SLC9A9: variants seen among roughly 807,000 people sequenced by gnomAD.
SLC9A9 encodes the protein solute carrier family 9 member A9, also known as sodium/hydrogen exchanger 9.
Under a neutral mutation model 77.8 loss-of-function variants are expected in SLC9A9, and 62 were observed. The ratio of observed to expected loss-of-function variants is 0.80; its 90% CI spans 0.65 to 0.98. The LOEUF (loss-of-function observed/expected upper bound fraction) is 0.98, where lower values mean the gene tolerates loss of function less well. SLC9A9 is among the 50% of genes least tolerant of loss of function. The probability of loss-of-function intolerance (pLI) is 0.00; values close to 1 mark genes in which losing one functional copy is unlikely to be tolerated. For synonymous variants in SLC9A9, 320 were observed against 283.5 expected (o/e 1.13, Z -1.29); for missense variants, 775 against 774.9 (o/e 1.00, Z 0.00).
chr3:143,812,270 T>C (rs1459723168), intron 2 of SLC9A9, among the ~76,000 whole-genome samples: 2 of 152,262 alleles, frequency 1.3e-5, no homozygotes, highest in African/African-American at 2.4e-5. Flanking sequence ...CCTGCAGATA[T>C]GCTTGCACAT....
chr3:143,689,818 T>G (rs1396025577), intron 5 of SLC9A9, among the ~76,000 whole-genome samples: 4 of 152,152 alleles, frequency 2.6e-5, no homozygotes, highest in Non-Finnish European at 5.9e-5. Flanking sequence ...AATGTGTGCA[T>G]GTTTGTGTAT....
At chr3:143,424,541 T>G (rs2034369388) in intron 12 of SLC9A9, among the ~76,000 whole-genome samples, 2 of 151,896 alleles carry the variant, frequency 1.3e-5, no homozygotes, top group African/African-American at 4.8e-5. Flanking sequence ...CCTCCCCAAG[T>G]GCTGGGTCTC....
intron 2 of SLC9A9, among the ~76,000 whole-genome samples, chr3:143,810,481 G>T (rs1433808017): frequency 1.3e-5 from 2 of 152,174 alleles, no homozygotes; most frequent in African/African-American, 4.8e-5. Context: ...ATTCTCAAGT[G>T]GTAGCTGGCA....
chr3:143,316,466 T>C (rs1186070585), intron 14 of SLC9A9, among the ~76,000 whole-genome samples: 1 of 152,198 alleles, frequency 6.6e-6, no homozygotes. Flanking sequence ...ACAAATTTGG[T>C]GGCAAGAGGA....
intron 4 of SLC9A9, among the ~76,000 whole-genome samples, chr3:143,757,894 A>G (rs187869135): frequency 1.3e-5 from 2 of 152,306 alleles, no homozygotes; most frequent in Non-Finnish European, 1.5e-5. Flanking sequence ...AGAAGGAAAG[A>G]TCAAAGGCAA....
chr3:143,824,604 C>A (rs1189843554), intron 2 of SLC9A9, among the ~76,000 whole-genome samples: 4 of 152,194 alleles, frequency 2.6e-5, no homozygotes, highest in African/African-American at 9.7e-5. Context: ...GGAAGTTAAA[C>A]CCCATGAGCA....
intron 6 of SLC9A9, among the ~76,000 whole-genome samples, chr3:143,589,428 A>C (rs1226629317): frequency 2.0e-5 from 3 of 152,230 alleles, no homozygotes; most frequent in Non-Finnish European, 4.4e-5. Context: ...CGGTAAGATT[A>C]CAATACGGTA....
intron 14 of SLC9A9, among the ~76,000 whole-genome samples, chr3:143,282,127 G>C (rs906040565): frequency 1.6e-4 from 25 of 151,938 alleles, no homozygotes; most frequent in African/African-American, 6.0e-4. Flanking sequence ...CACTCTCTTA[G>C]GACTTGTCAC....
At chr3:143,431,272 G>A (rs1281564742) in intron 12 of SLC9A9, among the ~76,000 whole-genome samples, 7 of 152,094 alleles carry the variant, frequency 4.6e-5, no homozygotes, top group Non-Finnish European at 1.0e-4. Flanking sequence ...AGTGCTTTGA[G>A]CTCCAGCTTC....
chr3:143,405,827 G>GC (rs1305688125), intron 12 of SLC9A9, among the ~76,000 whole-genome samples: 1 of 152,132 alleles, frequency 6.6e-6, no homozygotes, highest in Non-Finnish European at 1.5e-5. Flanking sequence ...GCATATTCTG[G>GC]CACAAATGTC....
chr3:143,816,549 T>C (rs2009022957), intron 2 of SLC9A9, among the ~76,000 whole-genome samples: 1 of 152,230 alleles, frequency 6.6e-6, no homozygotes, highest in Admixed American at 6.5e-5. Flanking sequence ...TAATGTTCTA[T>C]GGGATGAACA....
At chr3:143,687,259 TA>T (rs1933301001) in intron 5 of SLC9A9, among the ~76,000 whole-genome samples, 4 of 152,146 alleles carry the variant, frequency 2.6e-5, no homozygotes, top group African/African-American at 9.7e-5. Flanking sequence ...TAGCTAAGGC[TA>T]AATGGGAAAT....
intron 8 of SLC9A9, among the ~76,000 whole-genome samples, chr3:143,571,701 C>G (rs1415214412): frequency 1.3e-5 from 2 of 152,140 alleles, no homozygotes; most frequent in East Asian, 3.9e-4. Context: ...TGCCAGAAAG[C>G]TCAGAGCTAT....
intron 14 of SLC9A9, among the ~76,000 whole-genome samples, chr3:143,301,790 G>A (rs1361476917): frequency 6.6e-6 from 1 of 152,174 alleles, no homozygotes; most frequent in African/African-American, 2.4e-5. Flanking sequence ...GTGTTTTTCA[G>A]TTAGTGTCTT....
intron 4 of SLC9A9, among the ~76,000 whole-genome samples, chr3:143,787,785 C>T (rs765731765): frequency 9.7e-4 from 146 of 151,088 alleles, no homozygotes; most frequent in African/African-American, 3.1e-3. Flanking sequence ...TAAGTGGGTC[C>T]GTAAGAAAAA....
intron 14 of SLC9A9, among the ~76,000 whole-genome samples, chr3:143,313,676 G>T (rs2031101917): frequency 1.3e-5 from 2 of 152,192 alleles, no homozygotes; most frequent in Admixed American, 1.3e-4. Flanking sequence ...GTGGAGGACT[G>T]AAAGTTCACA....
At chr3:143,305,986 A>C (rs978620102) in intron 14 of SLC9A9, among the ~76,000 whole-genome samples, 8 of 152,244 alleles carry the variant, frequency 5.3e-5, no homozygotes, top group Non-Finnish European at 1.0e-4. Context: ...TCTAATTGAC[A>C]GTTTAAGCAG....
chr3:143,614,559 G>T (rs1393732361), intron 6 of SLC9A9, among the ~76,000 whole-genome samples: 2 of 152,172 alleles, frequency 1.3e-5, no homozygotes, highest in African/African-American at 2.4e-5. Context: ...AAAAAGAGGA[G>T]AAATTGCCCT....
intron 6 of SLC9A9, among the ~76,000 whole-genome samples, chr3:143,603,250 C>T (rs1023925430): frequency 3.9e-5 from 6 of 152,170 alleles, no homozygotes; most frequent in Non-Finnish European, 7.3e-5. Context: ...CTAGAAGGAC[C>T]ATCTAAAGTA....
Sources: allele counts gnomAD v4.1 joint callset (sites outside exome capture counted in the v4.1 genomes callset), GRCh38; gene constraint gnomAD v4.1.1; transcripts MANE v1.5; gene names NCBI Gene and HGNC (gene_info 2026-07-23, HGNC 2026-07-21).